Variants in ZNF385B observed in about 807,000 individuals in gnomAD.
The protein encoded by ZNF385B is zinc finger protein 385B, also known as zinc finger protein 533.
ZNF385B carries 23 observed loss-of-function variants against 39.2 expected under a neutral mutation model. The observed-to-expected ratio is 0.59, with a 90% CI of 0.42 to 0.83. The LOEUF (loss-of-function observed/expected upper bound fraction) is 0.83, where lower values mean the gene tolerates loss of function less well. Ranked by LOEUF, ZNF385B falls within the 40% of genes least tolerant of loss-of-function variation. The pLI is 0.00. For synonymous variants in ZNF385B, 205 were observed against 222.6 expected (o/e 0.92, Z 0.70); for missense variants, 552 against 598.9 (o/e 0.92, Z 0.82).
chr2:179,831,904 T>C (rs1708007958), intron 1 of ZNF385B, among the ~76,000 whole-genome samples: 1 of 152,238 alleles, frequency 6.6e-6, no homozygotes, highest in Non-Finnish European at 1.5e-5. Flanking sequence ...TTCTGATTCA[T>C]GCATTTGGAA....
At position 179,825,778 on chromosome 2, in the gene ZNF385B, G is replaced by C. The variant is rs565943888; in HGVS notation, c.-155+35323C>G. 1.4e-4 allele frequency among the ~76,000 whole-genome samples: 21 copies of C among 152,228 alleles called. No individual in the cohort carries two copies. The South Asian group carries it at 4.4e-3, about 32-fold the overall frequency. On this transcript the variant is annotated intron_variant, in intron 1 of 9. Coordinates refer to ENST00000410066, the MANE Select transcript of ZNF385B (RefSeq NM_152520.6). ...GCTTCACTGTGAGTCTCTGAAATAG[G>C]ACGCCATTTTCAAGGAAATGAGGGA...
At chr2:179,682,490 C>T (rs1169408785) in intron 3 of ZNF385B, among the ~76,000 whole-genome samples, 1 of 152,162 alleles carries the variant, frequency 6.6e-6, no homozygotes, top group East Asian at 1.9e-4. Context: ...CAATCATTTC[C>T]GTGTTCACTT....
chr2:179,738,547 T>C (rs1701902744), intron 3 of ZNF385B, among the ~76,000 whole-genome samples: 2 of 152,214 alleles, frequency 1.3e-5, no homozygotes, highest in African/African-American at 2.4e-5. Flanking sequence ...TCAATATTCC[T>C]ACATCGTTTT....
At chr2:179,668,622 CT>C (rs34563220) in intron 3 of ZNF385B, among the ~76,000 whole-genome samples, 79,196 of 142,054 alleles carry the variant, frequency 0.56, 22,769 homozygotes, top group South Asian at 0.75. Flanking sequence ...CAACACCTTT[CT>C]TTTTTTTTTT....
intron 3 of ZNF385B, among the ~76,000 whole-genome samples, chr2:179,762,384 G>T (rs1255677041): frequency 6.6e-6 from 1 of 152,068 alleles, no homozygotes; most frequent in East Asian, 1.9e-4. Context: ...TAGAGACGGG[G>T]TTTTGCCACG....
At chr2:179,649,258 AG>A (rs1483350833) in intron 3 of ZNF385B, among the ~76,000 whole-genome samples, 1 of 152,226 alleles carries the variant, frequency 6.6e-6, no homozygotes, top group African/African-American at 2.4e-5. Flanking sequence ...AAGGCTGGAT[AG>A]GCATGACAAT....
intron 3 of ZNF385B, chr2:179,660,215 T>C (rs772934987): frequency 1.3e-5 from 2 of 152,464 alleles, no homozygotes; most frequent in Non-Finnish European, 2.9e-5. Flanking sequence ...AAACTCCTCC[T>C]TGTATCTTAA....
chr2:179,444,416 T>C lies in ZNF385B; in HGVS notation c.1242+460A>G, dbSNP rs553871790. The stretch of plus-strand genomic sequence containing the variant: ...AAAACAGGCTAATTACCAACATGCC[T>C]GCTAGAATGGAGAGAGCACACGATA... On this transcript the variant is annotated intron_variant, in intron 9 of 9. Transcript: ENST00000410066. 2.0e-5 allele frequency among the ~76,000 whole-genome samples: 3 copies of C among 152,336 alleles called. No individual in the cohort carries two copies. In the South Asian group the frequency reaches 6.2e-4, roughly 32 times the overall value.
chr2:179,488,396 G>A (rs993897017), intron 5 of ZNF385B, among the ~76,000 whole-genome samples: 1 of 152,024 alleles, frequency 6.6e-6, no homozygotes, highest in African/African-American at 2.4e-5. Flanking sequence ...CGCCCGCCTC[G>A]GTCTCCCAAA....
chr2:179,765,614 CT>C, intron 3 of ZNF385B, among the ~76,000 whole-genome samples: 1 of 152,316 alleles, frequency 6.6e-6, no homozygotes, highest in Middle Eastern at 3.4e-3. Flanking sequence ...ACAGAAAAGA[CT>C]ATGTCCCTGT....
chr2:179,516,336 A>T (rs1668149980), intron 5 of ZNF385B, among the ~76,000 whole-genome samples: 1 of 152,046 alleles, frequency 6.6e-6, no homozygotes, highest in South Asian at 2.1e-4. Flanking sequence ...CAACTTTATA[A>T]AGTTTCTTAT....
At chr2:179,733,612 C>T (rs1423473579) in intron 3 of ZNF385B, among the ~76,000 whole-genome samples, 1 of 152,074 alleles carries the variant, frequency 6.6e-6, no homozygotes, top group Non-Finnish European at 1.5e-5. Context: ...GAAACCCCGT[C>T]TCTACTAAAA....
intron 3 of ZNF385B, among the ~76,000 whole-genome samples, chr2:179,545,776 T>C (rs2060193989): frequency 6.6e-6 from 1 of 152,202 alleles, no homozygotes; most frequent in East Asian, 1.9e-4. Context: ...GGGCACATAA[T>C]AGGTACCTAC....
At chr2:179,818,812 G>C (rs1370712035) in intron 1 of ZNF385B, among the ~76,000 whole-genome samples, 5 of 152,052 alleles carry the variant, frequency 3.3e-5, no homozygotes, top group Admixed American at 3.3e-4. Flanking sequence ...CTCAGTGCTG[G>C]CCCTAATGCT....
At chr2:179,798,769 G>A (rs746211986) in intron 1 of ZNF385B, among the ~76,000 whole-genome samples, 107 of 152,058 alleles carry the variant, frequency 7.0e-4, no homozygotes, top group Non-Finnish European at 1.5e-4. Flanking sequence ...CGTGTGGTAT[G>A]CCATGTACTT....
chr2:179,504,759 G>T (rs2057098869), intron 5 of ZNF385B, among the ~76,000 whole-genome samples: 1 of 151,362 alleles, frequency 6.6e-6, no homozygotes. Flanking sequence ...GTATACATAT[G>T]TAACAAACCC....
chr2:179,725,908 G>GTATATATATATATA (rs200614511), intron 3 of ZNF385B, among the ~76,000 whole-genome samples: 18 of 111,078 alleles, frequency 1.6e-4, no homozygotes, highest in South Asian at 1.5e-3. Flanking sequence ...GTGTTTGTGT[G>GTATATATATATATA]TGTATATATA....
chr2:179,778,718 T>A lies in ZNF385B; in HGVS notation c.-154-8046A>T, dbSNP rs148943775. On this transcript the variant is annotated intron_variant, in intron 1 of 9. Transcript: ENST00000410066. Reference sequence around the variant, plus strand: ...CCATCTAGACACATTTTTGAAATTATTGCATTTTTATTTATTATAAAAATA... The same window carrying A: ...CCATCTAGACACATTTTTGAAATTAATGCATTTTTATTTATTATAAAAATA... Among the ~76,000 whole-genome samples, 403 of 152,334 alleles carry A rather than the reference T, an allele frequency of 2.6e-3. 1 individual carries two copies. The highest frequency in any genetic ancestry group is 8.3e-3 in the African/African-American group (345 of 41,582).
At chr2:179,835,602 C>G (rs181908949) in intron 1 of ZNF385B, among the ~76,000 whole-genome samples, 24 of 152,214 alleles carry the variant, frequency 1.6e-4, no homozygotes, top group African/African-American at 5.5e-4. Flanking sequence ...ACTATCTGCC[C>G]CTGTCAGTTC....
Sources: gnomAD v4.1 joint callset for allele counts (sites outside exome capture counted in the v4.1 genomes callset) on GRCh38, gnomAD v4.1.1 for gene constraint, MANE v1.5 for transcripts, NCBI Gene and HGNC (gene_info 2026-07-23, HGNC 2026-07-21) for gene names.